Variants in TENM3 observed in about 807,000 individuals in gnomAD.
TENM3 encodes teneurin transmembrane protein 3, also known as teneurin-3.
TENM3 carries 63 observed loss-of-function variants against 255.1 expected under a neutral mutation model. The ratio of observed to expected loss-of-function variants is 0.25; its 90% CI spans 0.20 to 0.30. The LOEUF (loss-of-function observed/expected upper bound fraction) is 0.30, where lower values mean the gene tolerates loss of function less well. Among genes scored for constraint, TENM3 ranks in the 10% least tolerant of loss-of-function variants. The pLI is 1.00. For missense variants in TENM3, 2,929 were observed against 3,461.1 expected, an observed-to-expected ratio of 0.85 and a Z score of 3.86; for synonymous variants, 1,306 against 1,322.3, an observed-to-expected ratio of 0.99 and a Z score of 0.27.
intron 3 of TENM3, among the ~76,000 whole-genome samples, chr4:182,365,857 T>G (rs190699420): frequency 2.0e-5 from 3 of 152,326 alleles, no homozygotes; most frequent in African/African-American, 7.2e-5. Flanking sequence ...GGCTACATGG[T>G]ATAGCCTGTT....
At chr4:181,551,815 T>C in the TENM3 span, among the ~76,000 whole-genome samples, 3 of 70,614 alleles carry the variant, frequency 4.2e-5, no homozygotes, top group African/African-American at 1.7e-4. Flanking sequence ...ATAATATATA[T>C]ATATATATAT....
At position 182,346,854 on chromosome 4, in the gene TENM3, T is replaced by A. The variant is rs1399323258; in HGVS notation, c.436T>A (p.Cys146Ser). 1 of 1,613,418 alleles carries A rather than the reference T, an allele frequency of 6.2e-7. No homozygotes were observed. Among genetic ancestry groups the A allele is most frequent in the African/African-American group, 1.3e-5 (1 of 75,006 alleles). The change falls in exon 3 of 28, where the codon TGC becomes AGC. Residue 146 changes from cysteine (C) to serine (S), a missense_variant. This residue lies in a region of TENM3 where 283 missense variants were observed against 256.9 expected (regional missense o/e 1.10). Coordinates refer to ENST00000511685, the MANE Select transcript of TENM3 (RefSeq NM_001080477.4). The stretch of plus-strand genomic sequence containing the variant: ...GGGGGTCAAATCAGGCCGCAGCTCC[T>A]GCCTGTCAAGTCGGTCCAACTCAGC... ...GRGVKSGRSS[C>S]LSSRSNSALT... is the part of the protein sequence containing the mutation.
the TENM3 span, among the ~76,000 whole-genome samples, chr4:181,481,203 C>T: frequency 6.6e-6 from 1 of 151,538 alleles, no homozygotes. Flanking sequence ...AGAAGTAATA[C>T]AATCTACCTG....
the TENM3 span, among the ~76,000 whole-genome samples, chr4:182,086,995 T>C: frequency 6.6e-6 from 1 of 152,222 alleles, no homozygotes; most frequent in Non-Finnish European, 1.5e-5. Flanking sequence ...TTTTGAGTTC[T>C]TACCAAAGCA....
intron 1 of TENM3, among the ~76,000 whole-genome samples, chr4:182,155,676 G>T (rs1750656512): frequency 6.6e-6 from 1 of 152,018 alleles, no homozygotes; most frequent in South Asian, 2.1e-4. Flanking sequence ...TATTTTATGA[G>T]ATTTTTAGAA....
At chr4:182,098,589 T>A in the TENM3 span, among the ~76,000 whole-genome samples, 1 of 152,162 alleles carries the variant, frequency 6.6e-6, no homozygotes, top group South Asian at 2.1e-4. Context: ...AAGACAAATG[T>A]CACATGTTCT....
intron 1 of TENM3, among the ~76,000 whole-genome samples, chr4:182,205,752 C>A (rs1754515390): frequency 1.3e-5 from 2 of 152,230 alleles, no homozygotes; most frequent in Admixed American, 6.5e-5. Context: ...TGACTGCTAT[C>A]TTCCCCTTGT....
At chr4:181,675,781 A>G in the TENM3 span, among the ~76,000 whole-genome samples, 1 of 151,746 alleles carries the variant, frequency 6.6e-6, no homozygotes, top group Admixed American at 6.6e-5. Flanking sequence ...TTTTGCATGC[A>G]AAATGAGGGT....
At chr4:181,844,910 C>T in the TENM3 span, among the ~76,000 whole-genome samples, 3 of 152,114 alleles carry the variant, frequency 2.0e-5, no homozygotes, top group Admixed American at 6.5e-5. Context: ...TATGAGTCTT[C>T]GCTTGTTGCA....
chr4:182,551,396 T>C (rs1741996981), intron 3 of TENM3, among the ~76,000 whole-genome samples: 1 of 152,054 alleles, frequency 6.6e-6, no homozygotes, highest in African/African-American at 2.4e-5. Context: ...TTCAAAGAAA[T>C]ATAACAGCAG....
chr4:182,114,328 T>C, the TENM3 span, among the ~76,000 whole-genome samples: 135 of 82,494 alleles, frequency 1.6e-3, 3 homozygotes, highest in South Asian at 0.018. Flanking sequence ...AGTCTGAGAA[T>C]TTTTGACAAC....
chr4:182,744,065 T>G, intron 19 of TENM3: 1 of 870,922 alleles, frequency 1.1e-6, no homozygotes, highest in Non-Finnish European at 1.4e-6. Flanking sequence ...ACTCATTATA[T>G]TTTAGAAGGC....
the TENM3 span, among the ~76,000 whole-genome samples, chr4:181,887,657 G>T: frequency 6.6e-6 from 1 of 152,092 alleles, no homozygotes; most frequent in Non-Finnish European, 1.5e-5. Context: ...TCAGTGCTTC[G>T]TATCTGAGAA....
chr4:181,817,560 C>G, the TENM3 span, among the ~76,000 whole-genome samples: 2 of 152,074 alleles, frequency 1.3e-5, no homozygotes, highest in Non-Finnish European at 2.9e-5. Flanking sequence ...AAAATTTATG[C>G]CTTGGAAACT....
the TENM3 span, among the ~76,000 whole-genome samples, chr4:182,055,048 C>A: frequency 1.3e-5 from 2 of 152,122 alleles, no homozygotes; most frequent in African/African-American, 4.8e-5. Context: ...TACTTCCTTC[C>A]GTCTCTATGG....
chr4:182,274,739 G>A (rs1169304580), intron 1 of TENM3, among the ~76,000 whole-genome samples: 1 of 152,182 alleles, frequency 6.6e-6, no homozygotes. Context: ...TACTTTTAGA[G>A]TACATAGACA....
chr4:182,499,112 C>G (rs901381464), intron 3 of TENM3, among the ~76,000 whole-genome samples: 30 of 152,146 alleles, frequency 2.0e-4, no homozygotes, highest in African/African-American at 7.2e-4. Flanking sequence ...ATTCAATGTA[C>G]TTCAACAGTG....
At chr4:182,569,776 A>T (rs1017912919) in intron 3 of TENM3, among the ~76,000 whole-genome samples, 4 of 152,158 alleles carry the variant, frequency 2.6e-5, no homozygotes, top group Admixed American at 2.6e-4. Context: ...GAACCAGGCA[A>T]CATGATTTTG....
chr4:181,571,485 TGCC>T, the TENM3 span, among the ~76,000 whole-genome samples: 6 of 152,126 alleles, frequency 3.9e-5, no homozygotes, highest in African/African-American at 9.7e-5. Flanking sequence ...TACAGGTAGT[TGCC>T]ACCACAGCCA....
Sources: allele counts gnomAD v4.1 joint callset (sites outside exome capture counted in the v4.1 genomes callset), GRCh38; gene constraint gnomAD v4.1.1; regional missense constraint gnomAD v4.1.1; transcripts MANE v1.5; gene names NCBI Gene and HGNC (gene_info 2026-07-23, HGNC 2026-07-21).